The following PPP2R2B variants were observed in gnomAD, a reference collection of about 807,000 sequenced individuals.
The protein encoded by PPP2R2B is protein phosphatase 2 regulatory subunit Bbeta.
A neutral mutation model predicts 46.0 loss-of-function variants in PPP2R2B; 5 were observed. The ratio of observed to expected loss-of-function variants is 0.11; its 90% CI spans 0.06 to 0.23. The LOEUF (loss-of-function observed/expected upper bound fraction) is 0.23. Ranked by LOEUF, PPP2R2B falls within the 10% of genes least tolerant of loss-of-function variation. PPP2R2B has a pLI of 1.00. For missense variants in PPP2R2B, 367 were observed against 575.0 expected, an observed-to-expected ratio of 0.64 and a Z score of 3.70; for synonymous variants, 215 against 206.7, an observed-to-expected ratio of 1.04 and a Z score of -0.34.
rs76695007 is a variant in PPP2R2B at position 146,983,593 on chromosome 5, A to G, written c.79+72072T>C. ...GTCATTTTCCCAGTTCTAGTAAACTACAGAAATCTTACCTCCCTTTACACT... is the reference window on the plus strand; with the variant it reads ...GTCATTTTCCCAGTTCTAGTAAACTGCAGAAATCTTACCTCCCTTTACACT... On this transcript the variant is annotated intron_variant, in intron 1 of 8. Transcript: ENST00000336640. Among the ~76,000 whole-genome samples, 29 of 152,324 alleles carry G rather than the reference A, an allele frequency of 1.9e-4. 2 individuals are homozygous for G. In the East Asian group the frequency reaches 5.6e-3, roughly 29 times the overall value.
chr5:146,881,355 T>C (rs1762162693), upstream of PPP2R2B, among the ~76,000 whole-genome samples: 1 of 152,138 alleles, frequency 6.6e-6, no homozygotes, highest in Admixed American at 6.5e-5. Context: ...TAATATTTGT[T>C]TACTTATTAT....
Position 146,650,785 on chromosome 5 carries a change from G to A in PPP2R2B, c.448-61C>T, listed in dbSNP as rs1273230091. 6 of 1,465,086 alleles carry A rather than the reference G, an allele frequency of 4.1e-6. No homozygotes were observed. The African/African-American group carries it at 7.1e-5, about 17-fold the overall frequency. 90.8% of individuals were successfully genotyped at this position (1,465,086 alleles called of 1,614,324 possible). On this transcript the variant is annotated intron_variant, in intron 5 of 9. Coordinates refer to ENST00000394411, the MANE Select transcript of PPP2R2B (RefSeq NM_181675.4). ...AAGATCTTCCATAGGAAAAGAGTGT[G>A]CATGCTAATATCATTTATTATCACA...
intron 2 of PPP2R2B, among the ~76,000 whole-genome samples, chr5:146,803,725 T>A (rs1185611107): frequency 1.3e-5 from 2 of 152,222 alleles, no homozygotes. Flanking sequence ...AAGTTAGGCA[T>A]CCCTGGGTTA....
chr5:146,852,113 AG>A (rs980901242), intron 2 of PPP2R2B, among the ~76,000 whole-genome samples: 6 of 152,142 alleles, frequency 3.9e-5, no homozygotes, highest in African/African-American at 1.4e-4. Flanking sequence ...CAAAAACCAA[AG>A]CCACAGAGAA....
chr5:147,006,481 C>T (rs973594187), intron 1 of PPP2R2B, among the ~76,000 whole-genome samples: 3 of 151,940 alleles, frequency 2.0e-5, no homozygotes, highest in Non-Finnish European at 4.4e-5. Flanking sequence ...CTATCTGTGC[C>T]CCTCAAAGCT....
chr5:147,055,747 C>G, exon 1 of PPP2R2B: 1 of 1,610,366 alleles, frequency 6.2e-7, no homozygotes, highest in Non-Finnish European at 8.5e-7. Context: ...ATTTCATCTT[C>G]CAAATAAAAA....
chr5:146,989,108 A>C (rs1753566442), intron 1 of PPP2R2B, among the ~76,000 whole-genome samples: 1 of 152,104 alleles, frequency 6.6e-6, no homozygotes, highest in Non-Finnish European at 1.5e-5. Flanking sequence ...GCACAGTAAT[A>C]AAAAGTCTCC....
chr5:146,912,576 C>G (rs564384214), intron 1 of PPP2R2B, among the ~76,000 whole-genome samples: 1 of 151,082 alleles, frequency 6.6e-6, no homozygotes, highest in East Asian at 2.0e-4. Context: ...TGCAGTGGCA[C>G]GATCTCGGCT....
intron 7 of PPP2R2B, among the ~76,000 whole-genome samples, chr5:146,620,493 A>G (rs1317456415): frequency 6.6e-6 from 1 of 152,082 alleles, no homozygotes; most frequent in Non-Finnish European, 1.5e-5. Flanking sequence ...TCTCGACAGG[A>G]GCCTAATGAA....
upstream of PPP2R2B, among the ~76,000 whole-genome samples, chr5:146,882,358 A>G (rs972735442): frequency 6.6e-6 from 1 of 152,168 alleles, no homozygotes; most frequent in Non-Finnish European, 1.5e-5. Flanking sequence ...AAATTCTATC[A>G]TCTAATTTTA....
intron 1 of PPP2R2B, among the ~76,000 whole-genome samples, chr5:146,943,859 T>C (rs879761803): frequency 2.6e-5 from 4 of 152,196 alleles, no homozygotes; most frequent in Admixed American, 6.5e-5. Context: ...GATTCACTAT[T>C]GAGGAACACT....
At chr5:147,035,684 A>G (rs993364155) in intron 1 of PPP2R2B, among the ~76,000 whole-genome samples, 1 of 152,152 alleles carries the variant, frequency 6.6e-6, no homozygotes, top group Non-Finnish European at 1.5e-5. Context: ...TTAGTTTGAA[A>G]TAGGAGAGAA....
intron 1 of PPP2R2B, among the ~76,000 whole-genome samples, chr5:147,024,777 C>A (rs1012640139): frequency 6.6e-6 from 1 of 151,906 alleles, no homozygotes; most frequent in Admixed American, 6.6e-5. Flanking sequence ...GCAATGATGA[C>A]AAAACAGTGC....
chr5:146,764,898 G>T (rs1754386211), intron 2 of PPP2R2B, among the ~76,000 whole-genome samples: 1 of 151,958 alleles, frequency 6.6e-6, no homozygotes, highest in Non-Finnish European at 1.5e-5. Flanking sequence ...GATCTTCCTA[G>T]TTATTGCCAA....
intron 2 of PPP2R2B, among the ~76,000 whole-genome samples, chr5:146,716,681 A>C (rs1780518295): frequency 6.6e-6 from 1 of 152,114 alleles, no homozygotes; most frequent in South Asian, 2.1e-4. Context: ...ACAATTCTTC[A>C]ATCTGGAAAT....
chr5:146,689,698 C>T (rs1778722840), intron 5 of PPP2R2B, among the ~76,000 whole-genome samples: 1 of 152,196 alleles, frequency 6.6e-6, no homozygotes, highest in African/African-American at 2.4e-5. Context: ...ACTGACTCAA[C>T]AATAATACTC....
At chr5:146,818,112 G>T (rs1030431838) in intron 2 of PPP2R2B, among the ~76,000 whole-genome samples, 1 of 152,104 alleles carries the variant, frequency 6.6e-6, no homozygotes, top group Non-Finnish European at 1.5e-5. Context: ...AGCCTATGAT[G>T]ACTCCATTAC....
chr5:146,714,551 G>C (rs1281647207), intron 2 of PPP2R2B, among the ~76,000 whole-genome samples: 1 of 152,054 alleles, frequency 6.6e-6, no homozygotes, highest in African/African-American at 2.4e-5. Flanking sequence ...ATTGCTGAAT[G>C]AATAAAAAAA....
intron 9 of PPP2R2B, 65 bp from the exon 10 acceptor site, chr5:146,590,291 A>ACCATG (rs764815570): frequency 6.0e-6 from 9 of 1,495,412 alleles, no homozygotes; most frequent in Admixed American, 1.8e-5. Flanking sequence ...AGCAAATGAT[A>ACCATG]CCATGTTATG....
Sources: allele counts gnomAD v4.1 joint callset (sites outside exome capture counted in the v4.1 genomes callset), GRCh38; gene constraint gnomAD v4.1.1; transcripts MANE v1.5; gene names NCBI Gene and HGNC (gene_info 2026-07-23, HGNC 2026-07-21).